Variants in RAPGEF6 observed in about 807,000 individuals in gnomAD.
The protein encoded by RAPGEF6 is Rap guanine nucleotide exchange factor 6, also known as PDZ domain containing guanine nucleotide exchange factor (GEF) 2.
A neutral mutation model predicts 171.4 loss-of-function variants in RAPGEF6; 56 were observed. That is an observed-to-expected ratio of 0.33 (90% CI 0.26 to 0.41). The LOEUF (loss-of-function observed/expected upper bound fraction) is 0.41. Ranked by LOEUF, RAPGEF6 falls within the 10% of genes least tolerant of loss-of-function variation. The pLI is 1.00. For synonymous variants in RAPGEF6, 692 were observed against 650.1 expected (o/e 1.06, Z -0.98); for missense variants, 1,674 against 1,921.4 (o/e 0.87, Z 2.41).
intron 4 of RAPGEF6, among the ~76,000 whole-genome samples, chr5:131,565,842 A>T (rs1221709631): frequency 6.6e-6 from 1 of 152,140 alleles, no homozygotes; most frequent in African/African-American, 2.4e-5. Context: ...CCATAAACAA[A>T]AATTAATTAT....
intron 7 of RAPGEF6, 27 bp downstream of exon 7, chr5:131,521,363 G>A (rs768029464): frequency 1.3e-5 from 20 of 1,558,690 alleles, no homozygotes; most frequent in Admixed American, 7.9e-5. Context: ...AACCATATAC[G>A]CAGCATACAA....
intron 15 of RAPGEF6, among the ~76,000 whole-genome samples, chr5:131,482,984 G>A (rs930204450): frequency 6.6e-6 from 1 of 152,170 alleles, no homozygotes; most frequent in African/African-American, 2.4e-5. Context: ...TTCTGTTAGA[G>A]CAAAAGGAAA....
At chr5:131,450,034 C>T in intron 21 of RAPGEF6, 3 of 1,543,920 alleles carry the variant, frequency 1.9e-6, no homozygotes, top group Non-Finnish European at 2.6e-6. Flanking sequence ...CCAGACTCCG[C>T]CACCTCTTCT....
At position 131,464,229 on chromosome 5, in the gene RAPGEF6, G is replaced by A; in HGVS notation, c.2292C>T (p.Tyr764=). 1.9e-6 allele frequency: 3 copies of A among 1,613,594 alleles called. No individual in the cohort carries two copies. Among genetic ancestry groups the A allele is most frequent in the Non-Finnish European group, 2.5e-6 (3 of 1,179,654 alleles). The change falls in exon 18 of 28, where the codon TAC becomes TAT. Residue 764 remains tyrosine, a synonymous_variant. Transcript: ENST00000509018. ...RVFKVDQQSC[Y]IIISKDTTAK... is the part of the protein sequence containing the mutation. ...CTGTGGTGTCTTTACTGATGATAATGTAGCAACTTTGCTGATCCACTTTGA... is the reference window on the plus strand; with the variant it reads ...CTGTGGTGTCTTTACTGATGATAATATAGCAACTTTGCTGATCCACTTTGA...
intron 4 of RAPGEF6, among the ~76,000 whole-genome samples, chr5:131,590,043 G>A (rs1000817734): frequency 4.6e-5 from 7 of 152,290 alleles, no homozygotes; most frequent in Admixed American, 3.9e-4. Flanking sequence ...CTCAGCTGTA[G>A]GGTATTCTGC....
At chr5:131,577,028 C>T (rs575593579) in intron 4 of RAPGEF6, among the ~76,000 whole-genome samples, 8 of 152,288 alleles carry the variant, frequency 5.3e-5, no homozygotes, top group African/African-American at 1.9e-4. Context: ...TGACTTTACC[C>T]ATATGCCCCG....
intron 11 of RAPGEF6, among the ~76,000 whole-genome samples, chr5:131,502,680 G>C (rs990609790): frequency 6.6e-6 from 1 of 152,230 alleles, no homozygotes; most frequent in African/African-American, 2.4e-5. Context: ...AACTGGTACA[G>C]ACTGAAGTGA....
intron 2 of RAPGEF6, among the ~76,000 whole-genome samples, chr5:131,603,858 T>C (rs1428332151): frequency 6.6e-6 from 1 of 152,072 alleles, no homozygotes; most frequent in Admixed American, 6.5e-5. Context: ...CTAATAATTA[T>C]ATTTTATCAA....
At chr5:131,587,318 C>T (rs1195303120) in intron 4 of RAPGEF6, among the ~76,000 whole-genome samples, 1 of 152,104 alleles carries the variant, frequency 6.6e-6, no homozygotes, top group South Asian at 2.1e-4. Context: ...CTTATAATAA[C>T]CCTCAACTAA....
intron 15 of RAPGEF6, among the ~76,000 whole-genome samples, chr5:131,480,300 G>C (rs750433184): frequency 6.6e-6 from 1 of 152,058 alleles, no homozygotes; most frequent in Non-Finnish European, 1.5e-5. Flanking sequence ...GCACAAATTT[G>C]GGTGTACATG....
intron 6 of RAPGEF6, among the ~76,000 whole-genome samples, chr5:131,526,350 T>C (rs987405049): frequency 6.6e-6 from 1 of 152,090 alleles, no homozygotes. Context: ...AACAACAAGA[T>C]GAGGTAATAC....
At position 131,446,539 on chromosome 5, in the gene RAPGEF6, G is replaced by T; in HGVS notation, c.3365C>A (p.Thr1122Lys). Residue 1122 changes from threonine to lysine, a missense_variant, in exon 22 of 28, where the codon ACA (threonine) becomes AAA (lysine). Thr to Lys is a moderately conservative substitution (Grantham distance 78). Coordinates refer to ENST00000509018, the MANE Select transcript of RAPGEF6 (RefSeq NM_016340.6). ...KQYLSSLDVE[T>K]DEEKFQMMSL... ...CATCATCTGGAACTTCTCCTCATCT[G>T]TCTCTACATCGAGACTGGAAAGATA... The T allele has an allele frequency of 6.2e-7, 1 of 1,614,240 alleles. No individual in the cohort carries two copies. Among genetic ancestry groups the T allele is most frequent in the Non-Finnish European group, 8.5e-7 (1 of 1,180,028 alleles).
At chr5:131,526,149 G>A (rs1758858728) in intron 6 of RAPGEF6, among the ~76,000 whole-genome samples, 1 of 152,184 alleles carries the variant, frequency 6.6e-6, no homozygotes, top group Non-Finnish European at 1.5e-5. Flanking sequence ...ATACTGGACA[G>A]TGGAGACAGA....
intron 3 of RAPGEF6, 42 bp from the exon 4 acceptor site, chr5:131,592,508 CA>C: frequency 6.3e-7 from 1 of 1,594,648 alleles, no homozygotes; most frequent in Non-Finnish European, 8.5e-7. Context: ...AAACAACACA[CA>C]TGTTCATATG....
chr5:131,485,817 T>G (rs944876126), intron 15 of RAPGEF6, among the ~76,000 whole-genome samples: 1 of 152,216 alleles, frequency 6.6e-6, no homozygotes, highest in Non-Finnish European at 1.5e-5. Flanking sequence ...TTGATTTTTA[T>G]CTTCATGGAC....
chr5:131,536,472 T>A (rs142582201), intron 6 of RAPGEF6, among the ~76,000 whole-genome samples: 1 of 152,170 alleles, frequency 6.6e-6, no homozygotes, highest in Non-Finnish European at 1.5e-5. Flanking sequence ...TATTCTCTTG[T>A]AAGAAACAGT....
chr5:131,496,882 C>T (rs191530294), intron 12 of RAPGEF6, among the ~76,000 whole-genome samples: 2 of 151,084 alleles, frequency 1.3e-5, no homozygotes, highest in East Asian at 3.9e-4. Flanking sequence ...AATTGCTGGG[C>T]TATATGGTAA....
In RAPGEF6 at chr5:131,495,538, T is replaced by G; in HGVS notation, c.1527+15A>C. On this transcript the variant is annotated intron_variant, in intron 13 of 27. Coordinates refer to ENST00000509018, the MANE Select transcript of RAPGEF6 (RefSeq NM_016340.6). ...CCACTACACTCTGAAGAATAGAAATTATTTTGAGCCTTACTGTATCTTCCA... is the reference window on the plus strand; with the variant it reads ...CCACTACACTCTGAAGAATAGAAATGATTTTGAGCCTTACTGTATCTTCCA... 1 of 1,604,678 alleles carries G rather than the reference T, an allele frequency of 6.2e-7. No individual in the cohort carries two copies. The highest frequency in any genetic ancestry group is 2.2e-5 in the East Asian group (1 of 44,774).
chr5:131,430,271 T>C (rs1245867227), intron 26 of RAPGEF6, among the ~76,000 whole-genome samples: 2 of 152,006 alleles, frequency 1.3e-5, no homozygotes, highest in Admixed American at 6.5e-5. Flanking sequence ...CACGTATTTA[T>C]ATAGTTTAGG....
Sources: gnomAD v4.1 joint callset for allele counts (sites outside exome capture counted in the v4.1 genomes callset) on GRCh38, gnomAD v4.1.1 for gene constraint, MANE v1.5 for transcripts, NCBI Gene and HGNC (gene_info 2026-07-23, HGNC 2026-07-21) for gene names.